MINDY2: variants seen among roughly 807,000 people sequenced by gnomAD.
MINDY2 encodes MINDY lysine 48 deubiquitinase 2, also known as ubiquitin carboxyl-terminal hydrolase MINDY-2.
Under a neutral mutation model 68.2 loss-of-function variants are expected in MINDY2, and 52 were observed. That is an observed-to-expected ratio of 0.76 (90% CI 0.61 to 0.96). The LOEUF (loss-of-function observed/expected upper bound fraction) is 0.96. Ranked by LOEUF, MINDY2 falls within the 40% of genes least tolerant of loss-of-function variation. The probability of loss-of-function intolerance (pLI) is 0.00; values close to 1 mark genes in which losing one functional copy is unlikely to be tolerated. For synonymous variants in MINDY2, 372 were observed against 303.0 expected, an observed-to-expected ratio of 1.23 and a Z score of -2.36; for missense variants, 881 against 773.4, an observed-to-expected ratio of 1.14 and a Z score of -1.65.
intron 1 of MINDY2, 149 bp downstream of exon 1, chr15:58,772,384 G>A (rs551222839): frequency 1.6e-6 from 2 of 1,254,422 alleles, no homozygotes; most frequent in African/African-American, 1.5e-5. Context: ...CTTCCATGTT[G>A]AAGGAATATT....
At chr15:58,825,122 C>G (rs1467340064) in intron 5 of MINDY2, among the ~76,000 whole-genome samples, 1 of 152,180 alleles carries the variant, frequency 6.6e-6, no homozygotes, top group Non-Finnish European at 1.5e-5. Flanking sequence ...GTTTTGGTCA[C>G]AGGTGATAAC....
At chr15:58,851,340 T>C (rs1252077506) in intron 7 of MINDY2, among the ~76,000 whole-genome samples, 1 of 152,218 alleles carries the variant, frequency 6.6e-6, no homozygotes, top group East Asian at 1.9e-4. Context: ...GGGAAATACT[T>C]AGGAAGATAA....
chr15:58,805,141 A>G (rs1207541082), intron 3 of MINDY2, among the ~76,000 whole-genome samples: 6 of 152,224 alleles, frequency 3.9e-5, no homozygotes, highest in Admixed American at 3.9e-4. Context: ...CATTTCTCAT[A>G]AACATATCAG....
intron 1 of MINDY2, 83 bp from the exon 2 acceptor site, chr15:58,787,823 T>A (rs1341471042): frequency 1.3e-6 from 1 of 789,732 alleles, no homozygotes; most frequent in African/African-American, 1.8e-5. Flanking sequence ...TAATTAGACA[T>A]AAGTATTTGT....
At chr15:58,775,896 T>C (rs2140889939) in intron 1 of MINDY2, among the ~76,000 whole-genome samples, 1 of 150,930 alleles carries the variant, frequency 6.6e-6, no homozygotes, top group South Asian at 2.1e-4. Context: ...AGTCTCACTC[T>C]GTCTTGCCCA....
intron 1 of MINDY2, among the ~76,000 whole-genome samples, chr15:58,782,638 C>T (rs1364325521): frequency 2.0e-5 from 3 of 152,074 alleles, no homozygotes; most frequent in Non-Finnish European, 2.9e-5. Flanking sequence ...TATAAGATTT[C>T]ATTGAGTGGA....
At chr15:58,819,007 C>T (rs2030885934) in intron 4 of MINDY2, among the ~76,000 whole-genome samples, 1 of 152,030 alleles carries the variant, frequency 6.6e-6, no homozygotes, top group Admixed American at 6.6e-5. Context: ...GAGACAGTGT[C>T]TTGCTGCATT....
At chr15:58,813,931 C>CTTTTTT (rs60131191) in intron 4 of MINDY2, among the ~76,000 whole-genome samples, 6 of 126,954 alleles carry the variant, frequency 4.7e-5, no homozygotes, top group Non-Finnish European at 6.6e-5. Flanking sequence ...ACTTGCATTT[C>CTTTTTT]TTTTTTTTTT....
intron 4 of MINDY2, among the ~76,000 whole-genome samples, chr15:58,813,720 G>A (rs2030467218): frequency 6.6e-6 from 1 of 150,752 alleles, no homozygotes; most frequent in Non-Finnish European, 1.5e-5. Context: ...CTACAGGCAT[G>A]CACCATTATG....
At chr15:58,812,650 A>G (rs1430065744) in intron 4 of MINDY2, among the ~76,000 whole-genome samples, 1 of 152,182 alleles carries the variant, frequency 6.6e-6, no homozygotes, top group Non-Finnish European at 1.5e-5. Flanking sequence ...ACTTGGGCCC[A>G]GGAATTCAAG....
intron 4 of MINDY2, among the ~76,000 whole-genome samples, chr15:58,817,954 C>G (rs2030808364): frequency 6.6e-6 from 1 of 152,118 alleles, no homozygotes. Context: ...TTTTTCACAG[C>G]AGTGTTATTT....
chr15:58,815,273 C>G (rs1207824251), intron 4 of MINDY2: 1 of 152,134 alleles, frequency 6.6e-6, no homozygotes, highest in Non-Finnish European at 1.5e-5. Flanking sequence ...TTACCCTTCC[C>G]TCCTCATTGC....
chr15:58,792,162 C>T, intron 2 of MINDY2, among the ~76,000 whole-genome samples: 1 of 152,284 alleles, frequency 6.6e-6, no homozygotes, highest in East Asian at 1.9e-4. Context: ...AACCCTCACA[C>T]CTAGCCAGTA....
At chr15:58,790,535 A>G (rs1901813880) in intron 2 of MINDY2, among the ~76,000 whole-genome samples, 2 of 152,166 alleles carry the variant, frequency 1.3e-5, no homozygotes, top group Non-Finnish European at 1.5e-5. Context: ...GACATGATCT[A>G]ACTTTGGATT....
chr15:58,799,692 G>T (rs1165992955), intron 2 of MINDY2, among the ~76,000 whole-genome samples: 1 of 152,146 alleles, frequency 6.6e-6, no homozygotes, highest in African/African-American at 2.4e-5. Context: ...ATTGGCAAAG[G>T]TTAGAGGAGA....
At chr15:58,775,364 T>C (rs1900709338) in intron 1 of MINDY2, among the ~76,000 whole-genome samples, 1 of 152,058 alleles carries the variant, frequency 6.6e-6, no homozygotes, top group Admixed American at 6.6e-5. Context: ...AAACAGTAAA[T>C]GGGGTGTGAA....
At position 58,824,743 on chromosome 15, in the gene MINDY2, C is replaced by T. The variant is rs565543452; in HGVS notation, c.1225+2924C>T. Among the ~76,000 whole-genome samples the T allele has an allele frequency of 8.7e-5, 13 of 150,160 alleles. No individual in the cohort carries two copies. In the South Asian group the frequency reaches 2.7e-3, roughly 31 times the overall value. ...GGAGTGTAGTGGCACGATCTCGGCT[C>T]ACTGTAACCTCTGCCCCATGGATTC... On this transcript the variant is annotated intron_variant, in intron 5 of 8. Transcript: ENST00000559228.
At chr15:58,817,895 T>A (rs1276727337) in intron 4 of MINDY2, among the ~76,000 whole-genome samples, 1 of 152,210 alleles carries the variant, frequency 6.6e-6, no homozygotes, top group Non-Finnish European at 1.5e-5. Context: ...CTCAGCAATT[T>A]GGCAAGGCAT....
chr15:58,848,881 A>AAT (rs2032673626), intron 7 of MINDY2, among the ~76,000 whole-genome samples: 2 of 152,172 alleles, frequency 1.3e-5, no homozygotes, highest in Admixed American at 6.5e-5. Flanking sequence ...CGTTAAGAGA[A>AAT]ATATGCGAGA....
Sources: allele counts gnomAD v4.1 joint callset (sites outside exome capture counted in the v4.1 genomes callset), GRCh38; gene constraint gnomAD v4.1.1; transcripts MANE v1.5; gene names NCBI Gene and HGNC (gene_info 2026-07-23, HGNC 2026-07-21).